Variants in CNOT4 observed in about 807,000 individuals in gnomAD.
The protein encoded by CNOT4 is CCR4-associated factor 4.
Under a neutral mutation model 73.8 loss-of-function variants are expected in CNOT4, and 8 were observed. The ratio of observed to expected loss-of-function variants is 0.11; its 90% CI spans 0.06 to 0.20. The LOEUF is 0.20. Among genes scored for constraint, CNOT4 ranks in the 10% least tolerant of loss-of-function variants. CNOT4 has a pLI of 1.00. For missense variants in CNOT4, 564 were observed against 883.4 expected (o/e 0.64, Z 4.58); for synonymous variants, 293 against 321.1 (o/e 0.91, Z 0.94).
intron 1 of CNOT4, among the ~76,000 whole-genome samples, chr7:135,486,559 A>T (rs1177096418): frequency 5.9e-5 from 9 of 152,362 alleles, no homozygotes; most frequent in Admixed American, 5.2e-4. Flanking sequence ...TTGGGCGTTT[A>T]TCTGAGAGAA....
At chr7:135,409,501 AAC>A (rs1219610035) in intron 7 of CNOT4, among the ~76,000 whole-genome samples, 1 of 152,148 alleles carries the variant, frequency 6.6e-6, no homozygotes, top group African/African-American at 2.4e-5. Flanking sequence ...AAAATGAATA[AAC>A]ACAGACTTCA....
intron 1 of CNOT4, among the ~76,000 whole-genome samples, chr7:135,505,449 G>C (rs569797431): frequency 6.6e-6 from 1 of 152,266 alleles, no homozygotes; most frequent in East Asian, 1.9e-4. Context: ...CTACTCGGGA[G>C]GCTGAGGCAG....
Position 135,394,249 on chromosome 7 carries a change from C to A in CNOT4, c.1296G>T (p.Ser432=). ...ELSVQDQPSL[S]PTSLQNSSSH... is the part of the protein sequence containing the mutation. ...AAGAGGAGTTCTGAAGAGATGTGGG[C>A]GAAAGGGAAGGTTGGTCTTGAACGG... The change falls in exon 10 of 12, where the codon TCG becomes TCT. Residue 432 remains serine, a synonymous_variant. Coordinates refer to ENST00000541284, the MANE Select transcript of CNOT4 (RefSeq NM_001190850.2). The A allele has an allele frequency of 6.2e-7, 1 of 1,614,030 alleles. No individual in the cohort carries two copies. Among genetic ancestry groups the A allele is most frequent in the Non-Finnish European group, 8.5e-7 (1 of 1,180,010 alleles).
intron 10 of CNOT4, chr7:135,388,925 G>A: frequency 6.2e-7 from 1 of 1,605,748 alleles, no homozygotes; most frequent in Non-Finnish European, 8.5e-7. Context: ...GTCTAGTTAT[G>A]GGTGACTAGA....
chr7:135,388,615 G>A, intron 10 of CNOT4: 1 of 1,228,454 alleles, frequency 8.1e-7, no homozygotes, highest in Non-Finnish European at 1.0e-6. Context: ...TATGTTAAAG[G>A]CCTAATGAAG....
At chr7:135,505,284 G>C (rs1804288555) in intron 1 of CNOT4, among the ~76,000 whole-genome samples, 1 of 152,184 alleles carries the variant, frequency 6.6e-6, no homozygotes, top group South Asian at 2.1e-4. Flanking sequence ...GCCGGGCACA[G>C]TGGCTCACAC....
intron 1 of CNOT4, among the ~76,000 whole-genome samples, chr7:135,443,132 CTT>C (rs568424584): frequency 2.0e-5 from 3 of 150,720 alleles, no homozygotes; most frequent in Non-Finnish European, 4.4e-5. Flanking sequence ...AGATGGATCT[CTT>C]GAGGCCAAAA....
intron 10 of CNOT4, among the ~76,000 whole-genome samples, chr7:135,393,608 A>G (rs1056367176): frequency 1.3e-5 from 2 of 152,206 alleles, no homozygotes; most frequent in African/African-American, 2.4e-5. Flanking sequence ...TTATAGTACC[A>G]TAACTTCAGA....
chr7:135,370,901 G>C (rs976609546), intron 10 of CNOT4, among the ~76,000 whole-genome samples: 7 of 152,120 alleles, frequency 4.6e-5, no homozygotes, highest in African/African-American at 1.7e-4. Flanking sequence ...CATTTCAGAT[G>C]CCAAAACACA....
intron 1 of CNOT4, among the ~76,000 whole-genome samples, chr7:135,461,570 G>A (rs1039838661): frequency 6.6e-6 from 1 of 152,008 alleles, no homozygotes; most frequent in African/African-American, 2.4e-5. Flanking sequence ...AGTGGCTCAC[G>A]CCTGTAATCC....
At chr7:135,467,429 G>A (rs981265561) in intron 1 of CNOT4, among the ~76,000 whole-genome samples, 1 of 152,006 alleles carries the variant, frequency 6.6e-6, no homozygotes, top group Non-Finnish European at 1.5e-5. Flanking sequence ...AAATTTCTGG[G>A]GCCTGGCACA....
chr7:135,374,689 C>T (rs1212608764), intron 10 of CNOT4, among the ~76,000 whole-genome samples: 4 of 152,184 alleles, frequency 2.6e-5, no homozygotes, highest in Non-Finnish European at 4.4e-5. Flanking sequence ...TAATAACATG[C>T]ATCTATCACT....
chr7:135,487,103 C>A (rs1173943920), intron 1 of CNOT4, among the ~76,000 whole-genome samples: 2 of 151,888 alleles, frequency 1.3e-5, no homozygotes, highest in East Asian at 3.9e-4. Flanking sequence ...CCCTAGATAT[C>A]TTTTGCTCTC....
chr7:135,444,594 C>T (rs1585653186), intron 1 of CNOT4: 2 of 1,344,488 alleles, frequency 1.5e-6, no homozygotes, highest in Non-Finnish European at 1.1e-6. Flanking sequence ...TGGAGTACAG[C>T]ACATACACTT....
At chr7:135,503,100 C>T (rs574084489) in intron 1 of CNOT4, among the ~76,000 whole-genome samples, 17 of 152,164 alleles carry the variant, frequency 1.1e-4, no homozygotes, top group Middle Eastern at 3.4e-3. Flanking sequence ...TTGCAGTGAG[C>T]CGGGATGGCA....
intron 1 of CNOT4, among the ~76,000 whole-genome samples, chr7:135,468,801 T>C (rs1384950530): frequency 6.6e-6 from 1 of 152,188 alleles, no homozygotes; most frequent in Non-Finnish European, 1.5e-5. Context: ...GTTCACTATA[T>C]GTCAGAATCA....
At chr7:135,410,467 T>C in intron 7 of CNOT4, 48 bp downstream of exon 7, 1 of 1,220,610 alleles carries the variant, frequency 8.2e-7, no homozygotes, top group Non-Finnish European at 1.1e-6. Context: ...AAAGAGAAGA[T>C]CAACTGATAA....
At chr7:135,497,978 G>A (rs1342928051) in intron 1 of CNOT4, among the ~76,000 whole-genome samples, 1 of 152,140 alleles carries the variant, frequency 6.6e-6, no homozygotes, top group Admixed American at 6.6e-5. Context: ...ACAAAGCGAC[G>A]ATGTGCCAAA....
intron 1 of CNOT4, 173 bp downstream of exon 1, chr7:135,509,716 G>A (rs1469302914): frequency 7.7e-6 from 2 of 260,554 alleles, no homozygotes; most frequent in East Asian, 7.0e-5. Flanking sequence ...TGGCGTAAAG[G>A]GGAGAGGGAG....
Sources: gnomAD v4.1 joint callset for allele counts (sites outside exome capture counted in the v4.1 genomes callset) on GRCh38, gnomAD v4.1.1 for gene constraint, MANE v1.5 for transcripts, NCBI Gene and HGNC (gene_info 2026-07-23, HGNC 2026-07-21) for gene names.